SLIT2: variants seen among roughly 807,000 people sequenced by gnomAD.
The protein encoded by SLIT2 is slit homolog 2 protein.
In SLIT2, 41 loss-of-function variants were observed where a neutral mutation model predicts 185.7. That is an observed-to-expected ratio of 0.22 (90% CI 0.17 to 0.29). SLIT2 has a LOEUF of 0.29. SLIT2 is among the 10% of genes least tolerant of loss of function. The pLI, the probability that SLIT2 is intolerant of heterozygous loss-of-function variation, is 1.00. For synonymous variants in SLIT2, 693 were observed against 680.2 expected, an observed-to-expected ratio of 1.02 and a Z score of -0.29; for missense variants, 1,571 against 1,909.0, an observed-to-expected ratio of 0.82 and a Z score of 3.30.
chr4:20,326,446 C>G (rs1719599745), intron 4 of SLIT2, among the ~76,000 whole-genome samples: 1 of 151,978 alleles, frequency 6.6e-6, no homozygotes, highest in South Asian at 2.1e-4. Flanking sequence ...TTAATTGTAC[C>G]AAATCCCATA....
intron 3 of SLIT2, among the ~76,000 whole-genome samples, chr4:20,258,484 T>C (rs889875783): frequency 2.0e-5 from 3 of 151,942 alleles, no homozygotes; most frequent in Admixed American, 2.0e-4. Context: ...TTTAAAAATA[T>C]TTATTCTGGA....
intron 29 of SLIT2, among the ~76,000 whole-genome samples, chr4:20,580,188 G>A (rs1383658789): frequency 1.3e-5 from 2 of 150,570 alleles, no homozygotes; most frequent in African/African-American, 2.4e-5. Flanking sequence ...AGCCTCCCAA[G>A]TAGCTGGGAT....
At chr4:20,260,542 A>G (rs910791628) in intron 3 of SLIT2, among the ~76,000 whole-genome samples, 3 of 151,876 alleles carry the variant, frequency 2.0e-5, no homozygotes, top group African/African-American at 2.4e-5. Context: ...AAATAATTCT[A>G]AATTACATTT....
chr4:20,614,169 G>A (rs913345254), intron 34 of SLIT2, among the ~76,000 whole-genome samples: 4 of 152,018 alleles, frequency 2.6e-5, no homozygotes, highest in African/African-American at 7.2e-5. Context: ...CACTGCGCTC[G>A]GCCGACACAA....
chr4:20,439,706 G>A (rs1729601555), intron 4 of SLIT2, among the ~76,000 whole-genome samples: 1 of 152,184 alleles, frequency 6.6e-6, no homozygotes, highest in South Asian at 2.1e-4. Context: ...CATAGCCATT[G>A]ACTTCATTAA....
At chr4:20,469,812 G>C (rs1021882546) in intron 5 of SLIT2, among the ~76,000 whole-genome samples, 1 of 135,818 alleles carries the variant, frequency 7.4e-6, no homozygotes, top group African/African-American at 2.8e-5. Context: ...CTGGAGTGCA[G>C]TGGTACAATC....
At chr4:20,524,738 G>A (rs1444312109) in intron 14 of SLIT2, among the ~76,000 whole-genome samples, 6 of 152,154 alleles carry the variant, frequency 3.9e-5, no homozygotes, top group Non-Finnish European at 5.9e-5. Context: ...AATATTGTGG[G>A]AATATTGCAT....
intron 4 of SLIT2, among the ~76,000 whole-genome samples, chr4:20,397,219 C>G (rs1186009202): frequency 1.3e-5 from 2 of 151,746 alleles, no homozygotes; most frequent in Non-Finnish European, 1.5e-5. Flanking sequence ...TTCAAGTGCT[C>G]TTGTGCAGGG....
rs891161994 is a variant in SLIT2 at position 20,352,346 on chromosome 4, T to C, written c.395+83465T>C. ...ATAGTTTGTGCATTTTTTCTTCATG[T>C]TTTAACTGATATTTTGTCATCAGTT... On this transcript the variant is annotated intron_variant, in intron 4 of 36. Coordinates refer to ENST00000504154, the MANE Select transcript of SLIT2 (RefSeq NM_004787.4). Among the ~76,000 whole-genome samples the C allele has an allele frequency of 3.3e-5, 5 of 152,178 alleles. No individual in the cohort carries two copies. The East Asian group carries it at 5.8e-4, about 18-fold the overall frequency.
Position 20,539,427 on chromosome 4 carries a change from T to G in SLIT2, c.1833-14T>G. The G allele has an allele frequency of 6.2e-7, 1 of 1,607,532 alleles. No individual in the cohort carries two copies. Among genetic ancestry groups the G allele is most frequent in the Non-Finnish European group, 8.5e-7 (1 of 1,177,528 alleles). On this transcript the variant is annotated splice_polypyrimidine_tract_variant and intron_variant, in intron 18 of 36. Coordinates refer to ENST00000504154, the MANE Select transcript of SLIT2 (RefSeq NM_004787.4). ...TGCTTTGTCTCCATAACAATGTCCT[T>G]TTTTTCCCCTCAGGATGTTGAGAAG...
At chr4:20,418,467 C>G (rs1295257679) in intron 4 of SLIT2, among the ~76,000 whole-genome samples, 2 of 152,158 alleles carry the variant, frequency 1.3e-5, no homozygotes, top group Non-Finnish European at 2.9e-5. Context: ...ATTATTCTCA[C>G]TCCAAAAGCC....
At chr4:20,277,122 G>A (rs1301601210) in intron 4 of SLIT2, among the ~76,000 whole-genome samples, 1 of 152,008 alleles carries the variant, frequency 6.6e-6, no homozygotes, top group Non-Finnish European at 1.5e-5. Flanking sequence ...TTATTACCCC[G>A]GATTTATAAT....
In SLIT2 at chr4:20,528,312, A is replaced by G; in HGVS notation, c.1463-637A>G. ...CGAGATTTTCTGTTGTGCTTGATCTAACCATGTGGTTGCGAGGTATGAGTA... is the reference window on the plus strand; with the variant it reads ...CGAGATTTTCTGTTGTGCTTGATCTGACCATGTGGTTGCGAGGTATGAGTA... On this transcript the variant is annotated intron_variant, in intron 15 of 36. Coordinates refer to ENST00000504154, the MANE Select transcript of SLIT2 (RefSeq NM_004787.4). This position sits in a 1 kb window ranked among gnomAD's most constrained non-coding sequence, Gnocchi z 4.2. 1 of 534,686 alleles carries G rather than the reference A, an allele frequency of 1.9e-6. No individual in the cohort carries two copies. The highest frequency in any genetic ancestry group is 1.4e-5 in the South Asian group (1 of 71,590). The allele number at this position is 534,686 out of a possible 1,614,324, so 33.1% of individuals were successfully genotyped here.
At chr4:20,422,482 T>C (rs957180973) in intron 4 of SLIT2, among the ~76,000 whole-genome samples, 9 of 152,188 alleles carry the variant, frequency 5.9e-5, no homozygotes, top group African/African-American at 1.7e-4. Context: ...TCATTTTGAT[T>C]GACCAAAAAA....
intron 4 of SLIT2, among the ~76,000 whole-genome samples, chr4:20,368,219 C>CAAAAAAAAAAAAAAAAAAA (rs71653879): frequency 5.0e-4 from 54 of 107,398 alleles, no homozygotes; most frequent in Non-Finnish European, 6.5e-4. Context: ...CACAAAATAG[C>CAAAAAAAAAAAAAAAAAAA]AAAAAAAAAA....
In SLIT2 at chr4:20,270,841, C is replaced by T. The variant is rs187254854; in HGVS notation, c.395+1960C>T. ...TAGAGGTGGAATTTTTATTTGCATC[C>T]TCACGTCAGGAATCTTAATTTGAGT... On this transcript the variant is annotated intron_variant, in intron 4 of 36. Coordinates refer to ENST00000504154, the MANE Select transcript of SLIT2 (RefSeq NM_004787.4). Among the ~76,000 whole-genome samples, 47 of 152,052 alleles carry T rather than the reference C, an allele frequency of 3.1e-4. 1 individual carries two copies. The South Asian group carries it at 3.9e-3, about 13-fold the overall frequency.
At chr4:20,617,717 G>T in intron 36 of SLIT2, 67 bp downstream of exon 36, 47 of 668,970 alleles carry the variant, frequency 7.0e-5, no homozygotes, top group Non-Finnish European at 9.2e-5. Flanking sequence ...TCTTTGAAAA[G>T]AGAGGGAGAA....
intron 4 of SLIT2, among the ~76,000 whole-genome samples, chr4:20,411,903 G>A (rs900518454): frequency 2.6e-5 from 4 of 152,184 alleles, no homozygotes; most frequent in African/African-American, 9.7e-5. Flanking sequence ...AGAGAGGACA[G>A]CCGCATAAGA....
chr4:20,343,647 A>C (rs891233075), intron 4 of SLIT2, among the ~76,000 whole-genome samples: 13 of 151,870 alleles, frequency 8.6e-5, no homozygotes, highest in Admixed American at 7.9e-4. Context: ...GGCTACAGGC[A>C]TGTGCCACTG....
Sources: allele counts gnomAD v4.1 joint callset (sites outside exome capture counted in the v4.1 genomes callset), GRCh38; gene constraint gnomAD v4.1.1; non-coding constraint Gnocchi (gnomAD v3.1); transcripts MANE v1.5; gene names NCBI Gene and HGNC (gene_info 2026-07-23, HGNC 2026-07-21).